STAU2: variants seen among roughly 807,000 people sequenced by gnomAD.
STAU2 encodes double-stranded RNA-binding protein Staufen homolog 2.
Under a neutral mutation model 65.9 loss-of-function variants are expected in STAU2, and 20 were observed. The ratio of observed to expected loss-of-function variants is 0.30; its 90% CI spans 0.21 to 0.44. The LOEUF (loss-of-function observed/expected upper bound fraction) is 0.44. Among genes scored for constraint, STAU2 ranks in the 20% least tolerant of loss-of-function variants. The pLI is 1.00. For synonymous variants in STAU2, 232 were observed against 233.9 expected, an observed-to-expected ratio of 0.99 and a Z score of 0.07; for missense variants, 558 against 683.9, an observed-to-expected ratio of 0.82 and a Z score of 2.05.
chr8:73,481,516 C>CAAAAAAAAAA (rs33917654), intron 13 of STAU2, among the ~76,000 whole-genome samples: 3 of 137,578 alleles, frequency 2.2e-5, no homozygotes, highest in Non-Finnish European at 3.1e-5. Flanking sequence ...AACAAAAAAA[C>CAAAAAAAAAA]AAAAAAAAAA....
chr8:73,611,890 CATGCTGGTCT>C (rs1467380238), intron 9 of STAU2, among the ~76,000 whole-genome samples: 1 of 152,106 alleles, frequency 6.6e-6, no homozygotes, highest in Non-Finnish European at 1.5e-5. Context: ...CCATGTTGGC[CATGCTGGTCT>C]CGAACTCCTA....
chr8:73,737,471 G>A (rs1382837370), intron 3 of STAU2, among the ~76,000 whole-genome samples: 2 of 151,772 alleles, frequency 1.3e-5, no homozygotes, highest in Non-Finnish European at 2.9e-5. Context: ...GTGCCCAGTC[G>A]ATTACTTTCT....
intron 9 of STAU2, among the ~76,000 whole-genome samples, chr8:73,609,228 G>C (rs1049924881): frequency 3.3e-5 from 5 of 152,008 alleles, no homozygotes; most frequent in African/African-American, 1.2e-4. Context: ...GAACAGCTTA[G>C]GGAAAGAGGA....
chr8:73,552,456 C>T, intron 12 of STAU2, 137 bp from the exon 13 acceptor site: 1 of 752,090 alleles, frequency 1.3e-6, no homozygotes, highest in South Asian at 2.2e-5. Context: ...CTTTGTCATA[C>T]TGTAGAGGCA....
intron 6 of STAU2, among the ~76,000 whole-genome samples, chr8:73,664,064 G>C (rs957477321): frequency 1.3e-5 from 2 of 152,006 alleles, no homozygotes; most frequent in Admixed American, 1.3e-4. Flanking sequence ...GTTCTTTGTT[G>C]TTTTTTTGAG....
intron 6 of STAU2, among the ~76,000 whole-genome samples, chr8:73,628,320 A>G (rs969578875): frequency 2.6e-5 from 4 of 151,764 alleles, no homozygotes; most frequent in African/African-American, 7.3e-5. Flanking sequence ...AATCCTCCCA[A>G]CTCGGGCGCC....
intron 11 of STAU2, among the ~76,000 whole-genome samples, chr8:73,585,519 CAT>C (rs1315314092): frequency 3.3e-5 from 5 of 152,190 alleles, no homozygotes; most frequent in Non-Finnish European, 7.3e-5. Flanking sequence ...CAGTAGGTAA[CAT>C]ATGATTTTCA....
At chr8:73,729,360 G>A (rs1805882509) in intron 3 of STAU2, among the ~76,000 whole-genome samples, 1 of 152,138 alleles carries the variant, frequency 6.6e-6, no homozygotes, top group Non-Finnish European at 1.5e-5. Context: ...ATATTGGTCT[G>A]TAATTTTCGC....
At chr8:73,715,787 T>C (rs1369965537) in intron 3 of STAU2, among the ~76,000 whole-genome samples, 2 of 152,178 alleles carry the variant, frequency 1.3e-5, no homozygotes, top group East Asian at 3.8e-4. Flanking sequence ...TACCAAAAAT[T>C]GGTTAAACTA....
In STAU2 at chr8:73,595,225, C is replaced by T. The variant is rs760691421; in HGVS notation, c.1102G>A (p.Ala368Thr). 3.7e-6 allele frequency: 6 copies of T among 1,611,892 alleles called. No individual in the cohort carries two copies. The highest frequency in any genetic ancestry group is 2.2e-5 in the South Asian group (2 of 90,720). ...KKIAKKNAAE[A>T]MLLQLGYKAS... is the part of the protein sequence containing the mutation. ...TTATAACCAAGTTGTAACAGCATTG[C>T]TTCTGCAGCATTTTTTTTGGCTATC... The change falls in exon 11 of 15, where the codon GCA (alanine) becomes ACA (threonine). Residue 368 changes from alanine to threonine, a missense_variant. Physicochemically the swap from Ala to Thr is moderately conservative, Grantham distance 58 (BLOSUM62 0). Coordinates refer to ENST00000524300, the MANE Select transcript of STAU2 (RefSeq NM_001164380.2).
At chr8:73,665,221 A>G (rs1817144188) in intron 6 of STAU2, among the ~76,000 whole-genome samples, 1 of 152,198 alleles carries the variant, frequency 6.6e-6, no homozygotes, top group Non-Finnish European at 1.5e-5. Context: ...ATTTTTAACA[A>G]AATATTTAAA....
intron 6 of STAU2, among the ~76,000 whole-genome samples, chr8:73,635,177 T>C (rs979930691): frequency 3.9e-5 from 6 of 152,164 alleles, no homozygotes; most frequent in African/African-American, 1.4e-4. Context: ...CGTTCTTAAA[T>C]AAATAAAGCA....
chr8:73,554,109 T>C (rs1449451721), intron 12 of STAU2, among the ~76,000 whole-genome samples: 1 of 152,204 alleles, frequency 6.6e-6, no homozygotes, highest in Admixed American at 6.5e-5. Context: ...CCACTTTCTT[T>C]GTTCTTGGCA....
At chr8:73,625,303 G>A (rs556723359) in intron 6 of STAU2, among the ~76,000 whole-genome samples, 1 of 152,218 alleles carries the variant, frequency 6.6e-6, no homozygotes, top group South Asian at 2.1e-4. Flanking sequence ...GTCAGAAAGT[G>A]GAAATAACCC....
intron 13 of STAU2, among the ~76,000 whole-genome samples, chr8:73,541,849 A>T (rs1806565502): frequency 6.6e-6 from 1 of 152,146 alleles, no homozygotes; most frequent in South Asian, 2.1e-4. Flanking sequence ...GGAGGGAAGA[A>T]TCTGTAAGAA....
In STAU2 at chr8:73,742,120, T is replaced by C. The variant is rs967428807; in HGVS notation, c.-196-2252A>G. On this transcript the variant is annotated intron_variant, in intron 1 of 14. Coordinates refer to ENST00000524300, the MANE Select transcript of STAU2 (RefSeq NM_001164380.2). The stretch of plus-strand genomic sequence containing the variant: ...GTTCACAGTGGCACGTCTTTAAGAC[T>C]CTGTTTCTACTTTAAAGACACGCCC... 4.0e-6 allele frequency: 3 copies of C among 759,136 alleles called. No homozygotes were observed. The South Asian group carries it at 1.8e-4, about 45-fold the overall frequency. 47.0% of individuals were successfully genotyped at this position (759,136 alleles called of 1,614,324 possible).
chr8:73,727,429 A>C (rs947545300), intron 3 of STAU2, among the ~76,000 whole-genome samples: 9 of 152,282 alleles, frequency 5.9e-5, no homozygotes, highest in Admixed American at 1.3e-4. Context: ...TCTGTCTCAT[A>C]GATTACCTAT....
chr8:73,577,050 GA>G (rs1476121836), intron 12 of STAU2, among the ~76,000 whole-genome samples: 3 of 152,086 alleles, frequency 2.0e-5, no homozygotes, highest in Non-Finnish European at 4.4e-5. Context: ...TCAGACTCTA[GA>G]AAACTGTTTC....
At chr8:73,597,288 G>A (rs371363034) in intron 10 of STAU2, among the ~76,000 whole-genome samples, 102 of 152,012 alleles carry the variant, frequency 6.7e-4, no homozygotes, top group African/African-American at 2.3e-3. Context: ...AAGAAGAAGA[G>A]AAGACACAAA....
Sources: allele counts gnomAD v4.1 joint callset (sites outside exome capture counted in the v4.1 genomes callset), GRCh38; gene constraint gnomAD v4.1.1; transcripts MANE v1.5; gene names NCBI Gene and HGNC (gene_info 2026-07-23, HGNC 2026-07-21).